Variants in ATL3 observed in about 807,000 individuals in gnomAD.
The protein encoded by ATL3 is atlastin-3.
In ATL3, 49 loss-of-function variants were observed where a neutral mutation model predicts 69.5. The ratio of observed to expected loss-of-function variants is 0.71; its 90% CI spans 0.56 to 0.89. ATL3 has a LOEUF of 0.89. Among genes scored for constraint, ATL3 ranks in the 40% least tolerant of loss-of-function variants. The pLI is 0.00. For synonymous variants in ATL3, 214 were observed against 224.1 expected (o/e 0.95, Z 0.40); for missense variants, 606 against 645.7 (o/e 0.94, Z 0.67).
At chr11:63,630,623 C>T (rs1486180261) in intron 12 of ATL3, among the ~76,000 whole-genome samples, 1 of 151,680 alleles carries the variant, frequency 6.6e-6, no homozygotes, top group Admixed American at 6.6e-5. Flanking sequence ...TGGTGAAACC[C>T]TGTCTCTATT....
At chr11:63,652,772 C>T (rs1168681537) in intron 3 of ATL3, among the ~76,000 whole-genome samples, 197 bp from the exon 4 acceptor site, 2 of 152,126 alleles carry the variant, frequency 1.3e-5, no homozygotes, top group Non-Finnish European at 2.9e-5. Flanking sequence ...GATTATCCAG[C>T]GTTATACAGA....
At chr11:63,659,480 A>G (rs1262686344) in intron 1 of ATL3, among the ~76,000 whole-genome samples, 2 of 152,084 alleles carry the variant, frequency 1.3e-5, no homozygotes, top group Non-Finnish European at 2.9e-5. Flanking sequence ...AAAATTAGCC[A>G]TATGTAGTGG....
At chr11:63,658,127 A>G (rs1940314645) in intron 3 of ATL3, among the ~76,000 whole-genome samples, 1 of 152,200 alleles carries the variant, frequency 6.6e-6, no homozygotes, top group South Asian at 2.1e-4. Flanking sequence ...AAGTGTTGGT[A>G]TTACAGACGT....
intron 8 of ATL3, among the ~76,000 whole-genome samples, chr11:63,640,484 T>C (rs1939662489): frequency 6.6e-6 from 1 of 150,536 alleles, no homozygotes; most frequent in South Asian, 2.1e-4. Context: ...ATGGGGGGGA[T>C]CTCCCTATGT....
At chr11:63,671,720 C>T (rs1406588931), upstream of ATL3, 16 of 1,269,348 alleles carry the variant, frequency 1.3e-5, no homozygotes, top group Non-Finnish European at 1.6e-5. Context: ...CCTCATACTG[C>T]GCACTCATCT....
chr11:63,629,644 A>C (rs2134458193), intron 12 of ATL3, among the ~76,000 whole-genome samples: 1 of 152,304 alleles, frequency 6.6e-6, no homozygotes, highest in African/African-American at 2.4e-5. Flanking sequence ...CAAGCTGCTA[A>C]CCCAACTCAC....
intron 8 of ATL3, among the ~76,000 whole-genome samples, chr11:63,639,350 TC>T (rs1340266637): frequency 6.6e-6 from 1 of 152,344 alleles, no homozygotes; most frequent in East Asian, 1.9e-4. Flanking sequence ...TGAACAATCC[TC>T]ATAATAATTG....
At chr11:63,646,375 GT>G in intron 6 of ATL3, 131 bp downstream of exon 6, 1 of 539,048 alleles carries the variant, frequency 1.9e-6, no homozygotes, top group Non-Finnish European at 3.4e-6. Flanking sequence ...ATTTAAAAAT[GT>G]AAAAACCATT....
intron 12 of ATL3, among the ~76,000 whole-genome samples, chr11:63,630,426 CAAAAAAAAAA>C (rs758000337): frequency 3.2e-5 from 1 of 31,270 alleles, no homozygotes; most frequent in African/African-American, 8.6e-5. Flanking sequence ...AAATCTGTCT[CAAAAAAAAAA>C]AAAAAAAAAA....
chr11:63,658,332 T>A lies in ATL3; in HGVS notation c.405+429A>T, dbSNP rs1287607005. ...CACAGTAAGTTGTATCCTGAATTAT[T>A]CAAGGAAACACATGTTGAAATAGGA... On this transcript the variant is annotated intron_variant, in intron 3 of 12. Transcript: ENST00000398868. 2.0e-5 allele frequency among the ~76,000 whole-genome samples: 3 copies of A among 152,278 alleles called. No individual in the cohort carries two copies. In the East Asian group the frequency reaches 5.8e-4, roughly 29 times the overall value.
intron 11 of ATL3, chr11:63,632,551 G>C (rs549270972): frequency 5.7e-5 from 49 of 853,976 alleles, no homozygotes; most frequent in Admixed American, 3.9e-4. Flanking sequence ...TGTCCCAGTG[G>C]GTCATGTTTG....
intron 8 of ATL3, among the ~76,000 whole-genome samples, chr11:63,642,462 A>C (rs1939730485): frequency 6.6e-6 from 1 of 152,230 alleles, no homozygotes; most frequent in African/African-American, 2.4e-5. Context: ...TTCACTTCAA[A>C]ACCTTTTAGT....
chr11:63,636,371 A>C (rs1939517598), intron 8 of ATL3, 37 bp from the exon 9 acceptor site: 3 of 1,613,190 alleles, frequency 1.9e-6, no homozygotes, highest in African/African-American at 2.7e-5. Context: ...AAAATAAGCC[A>C]AACAGCCTTA....
At chr11:63,640,888 C>A (rs1939680032) in intron 8 of ATL3, among the ~76,000 whole-genome samples, 1 of 152,122 alleles carries the variant, frequency 6.6e-6, no homozygotes, top group Non-Finnish European at 1.5e-5. Context: ...AGGCGTGAGC[C>A]ACTGCACCCA....
chr11:63,657,857 CTTTTTT>C (rs1174775895), intron 3 of ATL3, among the ~76,000 whole-genome samples: 2 of 136,522 alleles, frequency 1.5e-5, no homozygotes, highest in East Asian at 4.2e-4. Flanking sequence ...ATGCCATTGG[CTTTTTT>C]TTTTTTTTTT....
intron 1 of ATL3, among the ~76,000 whole-genome samples, chr11:63,664,395 C>T (rs985367049): frequency 6.6e-6 from 1 of 151,680 alleles, no homozygotes; most frequent in Non-Finnish European, 1.5e-5. Context: ...AAAAAATTAG[C>T]TGGGCGTGGT....
chr11:63,641,876 T>C (rs1939711262), intron 8 of ATL3, among the ~76,000 whole-genome samples: 1 of 152,132 alleles, frequency 6.6e-6, no homozygotes, highest in Admixed American at 6.6e-5. Context: ...ATACTAAAAC[T>C]GAAACTATGG....
chr11:63,632,202 G>A (rs989744243), intron 11 of ATL3: 4 of 591,128 alleles, frequency 6.8e-6, no homozygotes, highest in Middle Eastern at 5.6e-4. Flanking sequence ...GACCAATGGT[G>A]GCAGAGTCTA....
intron 5 of ATL3, 56 bp from the exon 6 acceptor site, chr11:63,646,619 G>A: frequency 8.4e-7 from 1 of 1,183,616 alleles, no homozygotes; most frequent in Non-Finnish European, 1.2e-6. Context: ...ATAGTTCTAT[G>A]GCCTTTTTAG....
Sources: gnomAD v4.1 joint callset for allele counts (sites outside exome capture counted in the v4.1 genomes callset) on GRCh38, gnomAD v4.1.1 for gene constraint, MANE v1.5 for transcripts, NCBI Gene and HGNC (gene_info 2026-07-23, HGNC 2026-07-21) for gene names.